Variants in LNX1 observed in about 807,000 individuals in gnomAD.
LNX1 encodes the protein ligand of numb-protein X 1.
LNX1 carries 54 observed loss-of-function variants against 68.4 expected under a neutral mutation model. The observed-to-expected ratio is 0.79, with a 90% CI of 0.63 to 0.99. The LOEUF is 0.99. LNX1 is among the 50% of genes least tolerant of loss of function. The probability of loss-of-function intolerance (pLI) is 0.00; values close to 1 mark genes in which losing one functional copy is unlikely to be tolerated. For synonymous variants in LNX1, 336 were observed against 350.0 expected (o/e 0.96, Z 0.45); for missense variants, 906 against 926.4 (o/e 0.98, Z 0.29).
intron 2 of LNX1, among the ~76,000 whole-genome samples, chr4:53,568,194 A>G (rs1335023234): frequency 6.6e-6 from 1 of 151,964 alleles, no homozygotes; most frequent in Non-Finnish European, 1.5e-5. Context: ...ACACAACCAA[A>G]AAAGAGAATT....
At chr4:53,470,096 A>C (rs1229974181) in intron 9 of LNX1, among the ~76,000 whole-genome samples, 1 of 152,218 alleles carries the variant, frequency 6.6e-6, no homozygotes, top group African/African-American at 2.4e-5. Context: ...TCCTCAGTAA[A>C]ATACTGGCAA....
chr4:53,573,679 C>T lies in LNX1; in HGVS notation c.324G>A (p.Arg108=), dbSNP rs769875609. ...LNKLLVTCPF[R]EHCTQVLQRC... is the part of the protein sequence containing the mutation. ...GCTGCAACACCTGGGTGCAGTGCTC[C>T]CTGAATGGGCAGGTCACCAGTAGCT... The change falls in exon 2 of 11, where the codon AGG becomes AGA. Residue 108 remains arginine, a synonymous_variant. Transcript: ENST00000263925. 8 of 1,608,644 alleles carry T rather than the reference C, an allele frequency of 5.0e-6. No individual in the cohort carries two copies. Among genetic ancestry groups the T allele is most frequent in the Non-Finnish European group, 6.8e-6 (8 of 1,177,668 alleles).
chr4:53,630,864 C>T (rs1734241573), intron 1 of LNX1, among the ~76,000 whole-genome samples: 1 of 152,144 alleles, frequency 6.6e-6, no homozygotes, highest in East Asian at 1.9e-4. Context: ...AACTAAGTTA[C>T]CTCAAATATC....
At chr4:53,625,435 T>G (rs963766428) in intron 1 of LNX1, among the ~76,000 whole-genome samples, 2 of 152,036 alleles carry the variant, frequency 1.3e-5, no homozygotes, top group Non-Finnish European at 2.9e-5. Context: ...CCAAAGAAAG[T>G]GCACAAAGGG....
Position 53,476,986 on chromosome 4 carries a change from T to A in LNX1, c.1664-5A>T, listed in dbSNP as rs746565102. Reference sequence around the variant, plus strand: ...CCACATTCAACAAAATGTCACCTGATGGCCAGAGAAGCAGAAGCTATCTTT... The same window carrying A: ...CCACATTCAACAAAATGTCACCTGAAGGCCAGAGAAGCAGAAGCTATCTTT... On this transcript the variant is annotated splice_region_variant and splice_polypyrimidine_tract_variant and intron_variant, in intron 8 of 10. Transcript: ENST00000263925. 1 of 1,612,246 alleles carries A rather than the reference T, an allele frequency of 6.2e-7. No homozygotes were observed. Among genetic ancestry groups the A allele is most frequent in the Non-Finnish European group, 8.5e-7 (1 of 1,178,712 alleles).
rs191064053 is a variant in LNX1, at chr4:53,571,806, A to C, written c.380+1817T>G. On this transcript the variant is annotated intron_variant, in intron 2 of 10. Transcript: ENST00000263925. The stretch of plus-strand genomic sequence containing the variant: ...CCCCTGAATCACTAAGACTGCAGGC[A>C]GACATCACCAGGTCTGGCTAATTTT... 3.1e-3 allele frequency among the ~76,000 whole-genome samples: 470 copies of C among 152,206 alleles called. 1 individual carries two copies. The highest frequency in any genetic ancestry group is 0.014 in the Middle Eastern group (4 of 294).
intron 9 of LNX1, among the ~76,000 whole-genome samples, chr4:53,472,293 A>T (rs1723250235): frequency 6.6e-6 from 1 of 152,062 alleles, no homozygotes; most frequent in East Asian, 1.9e-4. Context: ...ACAATGAGAA[A>T]ACATGGACAC....
At chr4:53,559,374 G>C (rs1730124260) in intron 2 of LNX1, among the ~76,000 whole-genome samples, 1 of 152,230 alleles carries the variant, frequency 6.6e-6, no homozygotes, top group African/African-American at 2.4e-5. Context: ...TGCTCTGCAA[G>C]AGTGAGTCAG....
intron 6 of LNX1, among the ~76,000 whole-genome samples, chr4:53,494,102 TTGTAGC>T: frequency 6.6e-6 from 1 of 152,334 alleles, no homozygotes; most frequent in South Asian, 2.1e-4. Flanking sequence ...TCATCTTGAA[TTGTAGC>T]TCCCATCATT....
intron 1 of LNX1, among the ~76,000 whole-genome samples, chr4:53,588,342 T>C (rs1176830637): frequency 6.6e-6 from 1 of 152,178 alleles, no homozygotes; most frequent in Non-Finnish European, 1.5e-5. Context: ...GCAGGTACCA[T>C]TCCAAGCACT....
In LNX1 at chr4:53,460,759, A is replaced by G; in HGVS notation, c.*148T>C. 1 of 783,214 alleles carries G rather than the reference A, an allele frequency of 1.3e-6. No homozygotes were observed. The highest frequency in any genetic ancestry group is 2.0e-6 in the Non-Finnish European group (1 of 502,972). The allele number at this position is 783,214 out of a possible 1,614,324, so 48.5% of individuals were successfully genotyped here. On this transcript the variant is annotated 3_prime_UTR_variant, in exon 11 of 11. Transcript: ENST00000263925. ...TTTGGAATCATATTTTCTGAGGTGT[A>G]ACTGGCTTTCATTAGATGATCATAC... is the stretch of plus-strand genomic sequence containing the variant.
intron 2 of LNX1, among the ~76,000 whole-genome samples, chr4:53,530,947 T>A (rs1727975804): frequency 2.0e-5 from 3 of 152,164 alleles, no homozygotes; most frequent in African/African-American, 7.2e-5. Context: ...GAGGTATTGC[T>A]TGAGCTCAGG....
chr4:53,591,525 G>A, upstream of LNX1: 1 of 985,562 alleles, frequency 1.0e-6, no homozygotes, highest in Non-Finnish European at 1.2e-6. Flanking sequence ...CCTGGAGGAA[G>A]GAGGACGGCA....
At chr4:53,649,199 G>A (rs1735001099) in intron 1 of LNX1, among the ~76,000 whole-genome samples, 1 of 151,958 alleles carries the variant, frequency 6.6e-6, no homozygotes, top group Admixed American at 6.6e-5. Flanking sequence ...TTATATTTTG[G>A]GGTGCTTCTG....
chr4:53,563,768 C>T (rs1353723603), intron 2 of LNX1, among the ~76,000 whole-genome samples: 18 of 152,128 alleles, frequency 1.2e-4, no homozygotes, highest in African/African-American at 4.3e-4. Flanking sequence ...CTCCTGACCT[C>T]GTGATCCACC....
chr4:53,606,854 A>T (rs1274255899), intron 2 of LNX1, among the ~76,000 whole-genome samples: 1 of 152,046 alleles, frequency 6.6e-6, no homozygotes, highest in Non-Finnish European at 1.5e-5. Flanking sequence ...AAAGACAAAA[A>T]CCCACATGAT....
chr4:53,600,761 C>CGCTCT (rs1732967296), intron 2 of LNX1, among the ~76,000 whole-genome samples: 1 of 150,762 alleles, frequency 6.6e-6, no homozygotes. Context: ...GACAGAGTCT[C>CGCTCT]GCTCTGTTGC....
chr4:53,640,683 T>C (rs372522908), intron 1 of LNX1, among the ~76,000 whole-genome samples: 59 of 152,324 alleles, frequency 3.9e-4, no homozygotes, highest in African/African-American at 1.1e-3. Flanking sequence ...GTAGGAACAA[T>C]TAAGACTGTG....
At chr4:53,534,263 T>C (rs906564503) in intron 2 of LNX1, among the ~76,000 whole-genome samples, 4 of 152,166 alleles carry the variant, frequency 2.6e-5, no homozygotes, top group Non-Finnish European at 5.9e-5. Flanking sequence ...AAAGGGTCTC[T>C]GTGAATCCTC....
Sources: allele counts gnomAD v4.1 joint callset (sites outside exome capture counted in the v4.1 genomes callset), GRCh38; gene constraint gnomAD v4.1.1; transcripts MANE v1.5; gene names NCBI Gene and HGNC (gene_info 2026-07-23, HGNC 2026-07-21).